BRAF: variants seen among roughly 807,000 people sequenced by gnomAD.
The protein encoded by BRAF is B-Raf proto-oncogene, serine/threonine kinase.
BRAF carries 16 observed loss-of-function variants against 104.6 expected under a neutral mutation model. The ratio of observed to expected loss-of-function variants is 0.15; its 90% CI spans 0.10 to 0.23. The LOEUF is 0.23. Ranked by LOEUF, BRAF falls within the 10% of genes least tolerant of loss-of-function variation. BRAF has a pLI of 1.00. For synonymous variants in BRAF, 310 were observed against 341.6 expected, an observed-to-expected ratio of 0.91 and a Z score of 1.02; for missense variants, 541 against 937.3, an observed-to-expected ratio of 0.58 and a Z score of 5.52.
chr7:140,779,180 G>T (rs529117041), intron 12 of BRAF, among the ~76,000 whole-genome samples: 12 of 152,308 alleles, frequency 7.9e-5, no homozygotes, highest in Admixed American at 2.6e-4. Flanking sequence ...GGAGAGAGGT[G>T]ATTGGCTAGA....
chr7:140,795,270 A>G (rs1044565105), intron 7 of BRAF, among the ~76,000 whole-genome samples: 7 of 152,188 alleles, frequency 4.6e-5, no homozygotes, highest in Non-Finnish European at 8.8e-5. Context: ...AGAGAACACT[A>G]AAGTTTTGAG....
chr7:140,750,107 C>A (rs1797669444), intron 16 of BRAF, among the ~76,000 whole-genome samples: 2 of 152,090 alleles, frequency 1.3e-5, no homozygotes, highest in Admixed American at 1.3e-4. Flanking sequence ...TTGTATTGCA[C>A]AATTAGGTTT....
downstream of BRAF, among the ~76,000 whole-genome samples, chr7:140,714,586 C>A (rs774297636): frequency 6.6e-6 from 1 of 152,222 alleles, no homozygotes; most frequent in African/African-American, 2.4e-5. Flanking sequence ...GTCTTGAAGT[C>A]GAGGCCTCAA....
At chr7:140,793,650 G>C (rs1802207583) in intron 8 of BRAF, among the ~76,000 whole-genome samples, 1 of 152,158 alleles carries the variant, frequency 6.6e-6, no homozygotes, top group Non-Finnish European at 1.5e-5. Flanking sequence ...TTTTGAGACA[G>C]GGTCTCACTC....
chr7:140,738,128 C>T (rs1296095135), intron 18 of BRAF, among the ~76,000 whole-genome samples: 1 of 151,778 alleles, frequency 6.6e-6, no homozygotes, highest in Non-Finnish European at 1.5e-5. Context: ...CTTAGAGAAA[C>T]AAATAAAAAA....
intron 3 of BRAF, among the ~76,000 whole-genome samples, chr7:140,831,671 G>A (rs1562983590): frequency 6.6e-6 from 1 of 152,110 alleles, no homozygotes; most frequent in Non-Finnish European, 1.5e-5. Flanking sequence ...CCCATTATCA[G>A]ATGTCTAAAA....
intron 3 of BRAF, among the ~76,000 whole-genome samples, chr7:140,833,151 TGG>T (rs1806966545): frequency 6.6e-6 from 1 of 152,150 alleles, no homozygotes; most frequent in Admixed American, 6.5e-5. Context: ...TCCAAAGTGC[TGG>T]GATTACAGGC....
intron 14 of BRAF, among the ~76,000 whole-genome samples, chr7:140,756,716 A>G (rs75193677): frequency 0.015 from 2,230 of 152,332 alleles, 58 homozygotes; most frequent in African/African-American, 0.05. Context: ...GATGTTAAGG[A>G]GAGCATTACA....
rs1321687684 is a variant in BRAF at position 140,778,002 on chromosome 7, T to G, written c.1626A>C (p.Val542=). The G allele has an allele frequency of 6.2e-7, 1 of 1,613,412 alleles. No individual in the cohort carries two copies. The highest frequency in any genetic ancestry group is 8.5e-7 in the Non-Finnish European group (1 of 1,179,720). The stretch of plus-strand genomic sequence containing the variant: ...TCACACAAGCTCACCTGAGTACTCC[T>G]ACTTCATTTTTGAAGGCTTGTAACT... ...PQQLQAFKNE[V]GVLRKTRHVN... The change falls in exon 13 of 20, where the codon GTA becomes GTC. Residue 542 remains valine, a synonymous_variant. Coordinates refer to ENST00000644969, the MANE Select transcript of BRAF (RefSeq NM_001374258.1).
chr7:140,797,088 C>A (rs1358799003), intron 7 of BRAF, among the ~76,000 whole-genome samples: 1 of 152,134 alleles, frequency 6.6e-6, no homozygotes. Flanking sequence ...TGGCAGTCGG[C>A]AAACTGGCTT....
At chr7:140,815,803 T>C (rs1024418261) in intron 3 of BRAF, among the ~76,000 whole-genome samples, 2 of 151,990 alleles carry the variant, frequency 1.3e-5, no homozygotes, top group Non-Finnish European at 2.9e-5. Flanking sequence ...TTCATTAAAG[T>C]AGAAAAAGGA....
chr7:140,885,409 A>C (rs1028687215), intron 1 of BRAF, among the ~76,000 whole-genome samples: 2 of 152,200 alleles, frequency 1.3e-5, no homozygotes, highest in African/African-American at 4.8e-5. Flanking sequence ...ATTTGTTGGA[A>C]TATCATACAT....
chr7:140,906,778 T>A (rs745639777), intron 1 of BRAF, among the ~76,000 whole-genome samples: 113 of 152,350 alleles, frequency 7.4e-4, no homozygotes, highest in Non-Finnish European at 1.4e-3. Flanking sequence ...TATTGAAAAG[T>A]CAACCATCAG....
In BRAF at chr7:140,758,812, T is replaced by C. The variant is rs186862908; in HGVS notation, c.1815-4579A>G. On this transcript the variant is annotated intron_variant, in intron 14 of 19. Transcript: ENST00000644969. Reference sequence around the variant, plus strand: ...GTTTACACACAAGATGCACCCATTTTACATGGACAGTTTTAAAAGTTTCAA... The same window carrying C: ...GTTTACACACAAGATGCACCCATTTCACATGGACAGTTTTAAAAGTTTCAA... Among the ~76,000 whole-genome samples the C allele has an allele frequency of 2.0e-5, 3 of 152,242 alleles. No individual in the cohort carries two copies. In the South Asian group the frequency reaches 6.2e-4, roughly 32 times the overall value.
rs917253699 is a variant in BRAF, at chr7:140,838,925, T to C, written c.241-4053A>G. ...TAGAATCAGATAGTGGTGACAGTTG[T>C]CCATTGTGTAAATACACTAAGAACC... On this transcript the variant is annotated intron_variant, in intron 2 of 19. Coordinates refer to ENST00000644969, the MANE Select transcript of BRAF (RefSeq NM_001374258.1). Among the ~76,000 whole-genome samples, 40 of 152,180 alleles carry C rather than the reference T, an allele frequency of 2.6e-4. 1 individual carries two copies. The highest frequency in any genetic ancestry group is 8.7e-4 in the African/African-American group (36 of 41,446).
rs75009693 is a variant in BRAF, at chr7:140,862,673, G to A, written c.139-12461C>T. 5.5e-3 allele frequency among the ~76,000 whole-genome samples: 840 copies of A among 152,192 alleles called. 6 individuals carry two copies. The highest frequency in any genetic ancestry group is 7.2e-3 in the Non-Finnish European group (488 of 68,006). On this transcript the variant is annotated intron_variant, in intron 1 of 19. Transcript: ENST00000644969. ...ATCAGCAACATTAAAAGACAATGAA[G>A]ACGGAAAGTAGATTACTTGTTGACT...
intron 14 of BRAF, among the ~76,000 whole-genome samples, chr7:140,772,413 G>A (rs1293914057): frequency 1.3e-5 from 2 of 152,146 alleles, no homozygotes; most frequent in African/African-American, 2.4e-5. Context: ...CTTGAGCCCA[G>A]GAGTTTGAGA....
At chr7:140,843,869 C>T (rs1562990745) in intron 2 of BRAF, among the ~76,000 whole-genome samples, 2 of 151,788 alleles carry the variant, frequency 1.3e-5, no homozygotes. Context: ...ATTAGATGGG[C>T]GTGGTGGCGG....
At chr7:140,787,634 A>C in intron 8 of BRAF, 50 bp from the exon 9 acceptor site, 1 of 1,509,440 alleles carries the variant, frequency 6.6e-7, no homozygotes, top group Non-Finnish European at 9.2e-7. Context: ...ATATAATCAG[A>C]GAGTAGCGAT....
Sources: gnomAD v4.1 joint callset for allele counts (sites outside exome capture counted in the v4.1 genomes callset) on GRCh38, gnomAD v4.1.1 for gene constraint, MANE v1.5 for transcripts, NCBI Gene and HGNC (gene_info 2026-07-23, HGNC 2026-07-21) for gene names.